Variants in COL4A5 observed in about 807,000 individuals in gnomAD.
The protein encoded by COL4A5 is collagen type IV alpha 5 chain.
Under a neutral mutation model 130.2 loss-of-function variants are expected in COL4A5, and 26 were observed. The ratio of observed to expected loss-of-function variants is 0.20; its 90% CI spans 0.15 to 0.28. The LOEUF (loss-of-function observed/expected upper bound fraction) is 0.28. COL4A5 is among the 10% of genes least tolerant of loss of function. COL4A5 has a pLI of 1.00. For missense variants in COL4A5, 1,131 were observed against 1,344.3 expected (o/e 0.84, Z 2.48); for synonymous variants, 496 against 439.6 (o/e 1.13, Z -1.60).
At chrX:108,642,848 C>CAAAA (rs35804797) in intron 36 of COL4A5, among the ~76,000 whole-genome samples, 1 of 34,677 alleles carries the variant, frequency 2.9e-5, no homozygotes. Flanking sequence ...TCCCCCTCTC[C>CAAAA]AAAAAAAAAA....
chrX:108,473,235 C>T (rs1184399564), intron 1 of COL4A5, among the ~76,000 whole-genome samples: 2 of 111,300 alleles, frequency 1.8e-5, no homozygotes, highest in Non-Finnish European at 3.8e-5. Context: ...TACCATACTA[C>T]ACTCTTACCA....
intron 36 of COL4A5, among the ~76,000 whole-genome samples, chrX:108,653,548 T>A (rs2067775804): frequency 9.0e-6 from 1 of 111,088 alleles, no homozygotes; most frequent in Non-Finnish European, 1.9e-5. Flanking sequence ...ACATAAATTA[T>A]TTATTTCTGG....
chrX:108,536,828 A>G (rs1247851634), intron 1 of COL4A5, among the ~76,000 whole-genome samples: 2 of 111,933 alleles, frequency 1.8e-5, no homozygotes, highest in African/African-American at 6.5e-5. Flanking sequence ...TATGTATGCC[A>G]TTTTACAAAT....
intron 37 of COL4A5, among the ~76,000 whole-genome samples, chrX:108,658,340 T>C (rs1473832499): frequency 9.0e-6 from 1 of 111,310 alleles, no homozygotes; most frequent in East Asian, 2.8e-4. Context: ...TTAAGTATTG[T>C]TGGACTGGAT....
chrX:108,450,785 A>G, intron 1 of COL4A5, among the ~76,000 whole-genome samples: 1 of 111,582 alleles, frequency 9.0e-6, no homozygotes, highest in Non-Finnish European at 1.9e-5. Context: ...TTCAAAGGGC[A>G]AGATAGATCG....
Position 108,462,978 on chromosome X carries a change from A to G in COL4A5, c.81+22772A>G, listed in dbSNP as rs772948917. 143 of 112,098 alleles carry G rather than the reference A, an allele frequency of 1.3e-3. 1 individual carries two copies. Among genetic ancestry groups the G allele is most frequent in the African/African-American group, 4.5e-3 (139 of 30,915 alleles). 9.2% of individuals were successfully genotyped at this position (112,098 alleles called of 1,213,427 possible). On this transcript the variant is annotated intron_variant, in intron 1 of 52. Transcript: ENST00000328300. ...ACAGCTTTTCTCTTTCACTTTACCA[A>G]CATTAAAAAGAGTGATTTTAAGAAT... is the stretch of plus-strand genomic sequence containing the variant.
chrX:108,638,025 T>G (rs1003250200), intron 36 of COL4A5, among the ~76,000 whole-genome samples: 1 of 110,377 alleles, frequency 9.1e-6, no homozygotes, highest in Admixed American at 9.7e-5. Context: ...TTTCAAGGTC[T>G]TCCAAAAAAA....
rs1425429761 is a variant in COL4A5 at position 108,571,959 on chromosome X, G to A, written c.465+122G>A. 1.6e-5 allele frequency: 9 copies of A among 578,700 alleles called. No individual in the cohort carries two copies. The Admixed American group carries it at 2.4e-4, about 15-fold the overall frequency. The allele number at this position is 578,700 out of a possible 1,213,427, so 47.7% of individuals were successfully genotyped here. On this transcript the variant is annotated intron_variant, in intron 8 of 52. Transcript: ENST00000328300. ...CGATGTTTCTAGAAGTTGTGCAGGT[G>A]TAAACTTACAAGCTCTCCTTAAGTA...
chrX:108,679,005 T>C (rs1249407866), intron 44 of COL4A5, among the ~76,000 whole-genome samples: 1 of 111,981 alleles, frequency 8.9e-6, no homozygotes, highest in African/African-American at 3.2e-5. Flanking sequence ...TTTTGCCTGA[T>C]GTTTATTCAT....
Position 108,559,060 on chromosome X carries a change from G to A in COL4A5, c.142-4G>A. On this transcript the variant is annotated splice_polypyrimidine_tract_variant and splice_region_variant and intron_variant, in intron 2 of 52. Coordinates refer to ENST00000328300, the MANE Select transcript of COL4A5 (RefSeq NM_033380.3). ...CCTTACCTTTCATTCTCATTTAATTGCAGGGAGAGAGAGGGTTTCCAGGTT... is the reference window on the plus strand; with the variant it reads ...CCTTACCTTTCATTCTCATTTAATTACAGGGAGAGAGAGGGTTTCCAGGTT... The A allele has an allele frequency of 2.5e-6, 3 of 1,200,930 alleles. No individual in the cohort carries two copies. The highest frequency in any genetic ancestry group is 1.7e-5 in the African/African-American group (1 of 57,618).
At chrX:108,452,675 T>G (rs900507896) in intron 1 of COL4A5, among the ~76,000 whole-genome samples, 3 of 112,184 alleles carry the variant, frequency 2.7e-5, no homozygotes, top group African/African-American at 9.7e-5. Context: ...ACATTGATTT[T>G]GTATCCTGAG....
intron 36 of COL4A5, among the ~76,000 whole-genome samples, chrX:108,655,126 T>C (rs1218250519): frequency 1.8e-5 from 2 of 111,967 alleles, no homozygotes; most frequent in African/African-American, 3.2e-5. Context: ...GGCACTTGGC[T>C]TCTCAAGATT....
intron 19 of COL4A5, among the ~76,000 whole-genome samples, chrX:108,587,395 A>G (rs1353866546): frequency 2.7e-5 from 3 of 110,173 alleles, no homozygotes; most frequent in Non-Finnish European, 5.7e-5. Flanking sequence ...TGCCTGGTTT[A>G]TTTCACTTAA....
chrX:108,491,379 A>T (rs977200308), intron 1 of COL4A5, among the ~76,000 whole-genome samples: 2 of 111,913 alleles, frequency 1.8e-5, no homozygotes, highest in African/African-American at 6.5e-5. Flanking sequence ...GTTTGCTATG[A>T]TTTAACTACT....
chrX:108,558,028 AC>A (rs931895257), intron 2 of COL4A5, among the ~76,000 whole-genome samples: 2 of 103,502 alleles, frequency 1.9e-5, no homozygotes, highest in Non-Finnish European at 3.9e-5. Flanking sequence ...GCACCCATTA[AC>A]TCATCATTTA....
At chrX:108,562,988 T>C (rs2147732337) in intron 3 of COL4A5, among the ~76,000 whole-genome samples, 1 of 111,337 alleles carries the variant, frequency 9.0e-6, no homozygotes, top group African/African-American at 3.3e-5. Flanking sequence ...GTTTGACCTT[T>C]GTTTTTAATT....
intron 37 of COL4A5, among the ~76,000 whole-genome samples, chrX:108,661,973 G>T (rs1386367400): frequency 1.8e-5 from 2 of 108,441 alleles, no homozygotes; most frequent in Non-Finnish European, 3.8e-5. Flanking sequence ...TGCACAATGT[G>T]CAGGTTTGTT....
chrX:108,615,103 A>G, intron 30 of COL4A5, 79 bp downstream of exon 30: 1 of 712,943 alleles, frequency 1.4e-6, no homozygotes, highest in Non-Finnish European at 2.2e-6. Flanking sequence ...TGAAACCTAC[A>G]AAACAGTCTT....
intron 1 of COL4A5, chrX:108,440,543 C>A: frequency 4.1e-6 from 1 of 241,382 alleles, no homozygotes. Context: ...CCTCCACCGT[C>A]GGGTGTTTCC....
Sources: gnomAD v4.1 joint callset for allele counts (sites outside exome capture counted in the v4.1 genomes callset) on GRCh38, gnomAD v4.1.1 for gene constraint, MANE v1.5 for transcripts, NCBI Gene and HGNC (gene_info 2026-07-23, HGNC 2026-07-21) for gene names.